Variants in SLX4IP observed in about 807,000 individuals in gnomAD.
SLX4IP encodes SLX4 interacting protein.
A neutral mutation model predicts 32.9 loss-of-function variants in SLX4IP; 34 were observed. The observed-to-expected ratio is 1.03, with a 90% CI of 0.79 to 1.38. The LOEUF (loss-of-function observed/expected upper bound fraction) is 1.38. Among genes scored for constraint, SLX4IP ranks in the 40% most tolerant of loss-of-function variants. SLX4IP has a pLI of 0.00. For missense variants in SLX4IP, 444 were observed against 479.0 expected (o/e 0.93, Z 0.68); for synonymous variants, 172 against 171.7 (o/e 1.00, Z -0.01).
intron 2 of SLX4IP, among the ~76,000 whole-genome samples, chr20:10,488,537 C>T (rs889918110): frequency 2.6e-5 from 4 of 152,060 alleles, no homozygotes; most frequent in African/African-American, 9.7e-5. Context: ...ATATCATAGC[C>T]TCAGGAAGCA....
intron 3 of SLX4IP, among the ~76,000 whole-genome samples, chr20:10,560,425 T>C (rs1317626502): frequency 6.6e-6 from 1 of 152,224 alleles, no homozygotes; most frequent in Non-Finnish European, 1.5e-5. Context: ...CTGAAATATT[T>C]TTATCTTTCT....
At chr20:10,444,403 A>T (rs1196499514) in intron 1 of SLX4IP, among the ~76,000 whole-genome samples, 1 of 151,728 alleles carries the variant, frequency 6.6e-6, no homozygotes, top group Non-Finnish European at 1.5e-5. Flanking sequence ...TTTGAGCTGG[A>T]GTCTCGCTCT....
At chr20:10,484,842 A>G (rs913128930) in intron 2 of SLX4IP, among the ~76,000 whole-genome samples, 2 of 152,208 alleles carry the variant, frequency 1.3e-5, no homozygotes, top group African/African-American at 4.8e-5. Context: ...GAAGAAGATG[A>G]CAGTGGCTTG....
intron 2 of SLX4IP, among the ~76,000 whole-genome samples, chr20:10,461,579 AATATCTGAC>A (rs1318629463): frequency 6.6e-6 from 1 of 152,116 alleles, no homozygotes; most frequent in East Asian, 1.9e-4. Flanking sequence ...TCCCTTTTTA[AATATCTGAC>A]ATGAAGTTTT....
At chr20:10,443,098 C>G (rs2065171651) in intron 1 of SLX4IP, among the ~76,000 whole-genome samples, 1 of 152,090 alleles carries the variant, frequency 6.6e-6, no homozygotes. Context: ...TTATATATAA[C>G]TGAAGTATTA....
At chr20:10,439,608 T>C (rs1393319526) in intron 1 of SLX4IP, among the ~76,000 whole-genome samples, 1 of 152,252 alleles carries the variant, frequency 6.6e-6, no homozygotes, top group Admixed American at 6.5e-5. Flanking sequence ...TATTAAAACT[T>C]CACCTTTGCT....
At chr20:10,603,209 A>G (rs1289221984) in intron 6 of SLX4IP, among the ~76,000 whole-genome samples, 5 of 152,262 alleles carry the variant, frequency 3.3e-5, no homozygotes, top group African/African-American at 4.8e-5. Flanking sequence ...TATTACTTTC[A>G]AATGAAATAC....
At chr20:10,470,014 G>T (rs1407095245) in intron 2 of SLX4IP, among the ~76,000 whole-genome samples, 2 of 152,166 alleles carry the variant, frequency 1.3e-5, no homozygotes, top group South Asian at 4.1e-4. Flanking sequence ...ACACAAGACT[G>T]CCTCTTCAGT....
intron 2 of SLX4IP, among the ~76,000 whole-genome samples, chr20:10,510,829 CT>C (rs889229644): frequency 1.3e-5 from 2 of 152,166 alleles, no homozygotes; most frequent in Non-Finnish European, 1.5e-5. Context: ...TGGTCTCGAT[CT>C]CTCGACCTCA....
chr20:10,581,805 CT>C (rs2066589355), intron 4 of SLX4IP, among the ~76,000 whole-genome samples: 2 of 152,000 alleles, frequency 1.3e-5, no homozygotes, highest in African/African-American at 4.8e-5. Flanking sequence ...ACCTGGAGTC[CT>C]ACTTGCTTGG....
intron 1 of SLX4IP, among the ~76,000 whole-genome samples, chr20:10,435,769 C>A (rs1488312709): frequency 6.6e-6 from 1 of 152,212 alleles, no homozygotes; most frequent in South Asian, 2.1e-4. Flanking sequence ...ATACCTCCCC[C>A]TTCCCAGACA....
chr20:10,511,334 G>T (rs2065806504), intron 2 of SLX4IP, among the ~76,000 whole-genome samples: 1 of 152,118 alleles, frequency 6.6e-6, no homozygotes, highest in African/African-American at 2.4e-5. Flanking sequence ...TCACTCTCCT[G>T]CAATCCCTTC....
chr20:10,491,394 C>G (rs590475), intron 2 of SLX4IP, among the ~76,000 whole-genome samples: 11 of 151,994 alleles, frequency 7.2e-5, no homozygotes, highest in Admixed American at 3.9e-4. Flanking sequence ...TCAGCTCTAA[C>G]GTTCTTCAGA....
At chr20:10,437,590 A>G (rs1271411054) in intron 1 of SLX4IP, among the ~76,000 whole-genome samples, 1 of 152,238 alleles carries the variant, frequency 6.6e-6, no homozygotes, top group African/African-American at 2.4e-5. Context: ...TAACTGGTCA[A>G]CTTGCCAATT....
chr20:10,559,216 A>G (rs2066304331), intron 3 of SLX4IP, among the ~76,000 whole-genome samples: 1 of 152,176 alleles, frequency 6.6e-6, no homozygotes, highest in Non-Finnish European at 1.5e-5. Flanking sequence ...ATATCTCTGT[A>G]TTCCATGAGG....
chr20:10,558,704 G>A (rs2066297471), intron 3 of SLX4IP, among the ~76,000 whole-genome samples: 1 of 152,204 alleles, frequency 6.6e-6, no homozygotes, highest in Non-Finnish European at 1.5e-5. Context: ...TCGAGGAAGC[G>A]AGCACAGCCC....
At chr20:10,478,190 C>T (rs1017894441) in intron 2 of SLX4IP, among the ~76,000 whole-genome samples, 1 of 152,108 alleles carries the variant, frequency 6.6e-6, no homozygotes, top group South Asian at 2.1e-4. Flanking sequence ...TGAGCCACCG[C>T]GCCCGGCCAA....
chr20:10,480,364 C>A (rs1376019043), intron 2 of SLX4IP, among the ~76,000 whole-genome samples: 1 of 151,028 alleles, frequency 6.6e-6, no homozygotes, highest in African/African-American at 2.4e-5. Context: ...TGAGCTACTA[C>A]ACTCTAGCCT....
chr20:10,499,063 CT>C (rs1218645288), intron 2 of SLX4IP, among the ~76,000 whole-genome samples: 6 of 152,118 alleles, frequency 3.9e-5, no homozygotes, highest in Non-Finnish European at 8.8e-5. Flanking sequence ...TCATTATTAT[CT>C]TAACTATATG....
Sources: allele counts gnomAD v4.1 joint callset (sites outside exome capture counted in the v4.1 genomes callset), GRCh38; gene constraint gnomAD v4.1.1; transcripts MANE v1.5; gene names NCBI Gene and HGNC (gene_info 2026-07-23, HGNC 2026-07-21).